The following DMTF1 variants were observed in gnomAD, a reference collection of about 807,000 sequenced individuals.
The protein encoded by DMTF1 is cyclin D binding myb like transcription factor 1.
Under a neutral mutation model 91.1 loss-of-function variants are expected in DMTF1, and 39 were observed. The observed-to-expected ratio is 0.43, with a 90% CI of 0.33 to 0.56. The LOEUF (loss-of-function observed/expected upper bound fraction) is 0.56, where lower values mean the gene tolerates loss of function less well. Among genes scored for constraint, DMTF1 ranks in the 20% least tolerant of loss-of-function variants. The pLI is 0.05. For synonymous variants in DMTF1, 338 were observed against 309.5 expected (o/e 1.09, Z -0.97); for missense variants, 750 against 914.5 (o/e 0.82, Z 2.32).
intron 11 of DMTF1, 41 bp from the exon 12 acceptor site, chr7:87,185,788 A>C (rs1243810530): frequency 1.9e-6 from 3 of 1,608,838 alleles, no homozygotes; most frequent in Non-Finnish European, 2.6e-6. Flanking sequence ...CTTATAGAGA[A>C]ATTAATTTAA....
intron 7 of DMTF1, among the ~76,000 whole-genome samples, chr7:87,178,500 T>G (rs1374850581): frequency 6.6e-6 from 1 of 152,048 alleles, no homozygotes; most frequent in Admixed American, 6.5e-5. Context: ...TGTTGAGATT[T>G]TACATTTTTT....
At chr7:87,158,036 C>T (rs1046284332) in intron 1 of DMTF1, among the ~76,000 whole-genome samples, 2 of 152,010 alleles carry the variant, frequency 1.3e-5, no homozygotes, top group African/African-American at 4.8e-5. Flanking sequence ...TGCCTTGTTT[C>T]ATGCATAAAT....
At chr7:87,191,393 T>C (rs1799732260) in intron 14 of DMTF1, among the ~76,000 whole-genome samples, 1 of 152,108 alleles carries the variant, frequency 6.6e-6, no homozygotes, top group Admixed American at 6.6e-5. Flanking sequence ...ATACAAAATG[T>C]AACAGTCCCA....
chr7:87,155,182 A>T (rs538541861), intron 1 of DMTF1, among the ~76,000 whole-genome samples: 2 of 152,334 alleles, frequency 1.3e-5, no homozygotes, highest in African/African-American at 4.8e-5. Flanking sequence ...TTTTGAAAGT[A>T]TTGACGTCTT....
Position 87,194,019 on chromosome 7 carries a change from G to A in DMTF1, c.1945G>A (p.Val649Ile), listed in dbSNP as rs1800543890. The change falls in exon 16 of 18, where the codon GTC becomes ATC. Residue 649 changes from valine to isoleucine, a missense_variant. By Grantham distance (29) the Val-to-Ile change is conservative (BLOSUM62 3). This residue lies in a region of DMTF1 where 410 missense variants were observed against 420.2 expected (regional missense o/e 0.98). Transcript: ENST00000331242. Reference sequence around the variant, plus strand: ...CACAGAACTGATGAATAGTGTTATGGTCAGAACAGAAGAAGAAATCTCTGA... The same window carrying A: ...CACAGAACTGATGAATAGTGTTATGATCAGAACAGAAGAAGAAATCTCTGA... ...NSTELMNSVM[V>I]RTEEEISDTD... The A allele has an allele frequency of 6.2e-7, 1 of 1,613,080 alleles. No individual in the cohort carries two copies. Among genetic ancestry groups the A allele is most frequent in the African/African-American group, 1.3e-5 (1 of 74,826 alleles).
chr7:87,180,497 A>G (rs997855264), intron 8 of DMTF1, among the ~76,000 whole-genome samples: 3 of 152,246 alleles, frequency 2.0e-5, no homozygotes, highest in African/African-American at 7.2e-5. Flanking sequence ...AGAACATTAC[A>G]TAGGCTGTAT....
rs923257253 is a variant in DMTF1, at chr7:87,194,291, A to G, written c.2028+189A>G. The G allele has an allele frequency of 1.2e-5, 7 of 607,082 alleles. No homozygotes were observed. The East Asian group carries it at 1.8e-4, about 15-fold the overall frequency. 37.6% of individuals were successfully genotyped at this position (607,082 alleles called of 1,614,324 possible). ...GGCAGTCAGGAAGAATAAGAAAACC[A>G]TGTTCTATCTTACCACAGTTCCTCA... is the stretch of plus-strand genomic sequence containing the variant. On this transcript the variant is annotated intron_variant, in intron 16 of 17. Coordinates refer to ENST00000331242, the MANE Select transcript of DMTF1 (RefSeq NM_001142327.2).
chr7:87,182,070 C>CAA (rs753251996), intron 9 of DMTF1, 158 bp from the exon 10 acceptor site: 2 of 1,536,776 alleles, frequency 1.3e-6, no homozygotes, highest in East Asian at 4.9e-5. Context: ...CTGTGGACCC[C>CAA]AAAAAAAGGC....
At chr7:87,171,249 T>A (rs1795007651) in intron 5 of DMTF1, among the ~76,000 whole-genome samples, 160 bp downstream of exon 5, 2 of 152,180 alleles carry the variant, frequency 1.3e-5, no homozygotes, top group African/African-American at 4.8e-5. Flanking sequence ...TACAAAGTTT[T>A]TTTGTTTTGA....
chr7:87,160,649 C>G (rs1240557645), intron 1 of DMTF1, among the ~76,000 whole-genome samples: 1 of 152,122 alleles, frequency 6.6e-6, no homozygotes, highest in East Asian at 1.9e-4. Flanking sequence ...CTACTCCCAC[C>G]AAAACTACTT....
In DMTF1 at chr7:87,195,244, T is replaced by A. The variant is rs1801015296; in HGVS notation, c.*104T>A. On this transcript the variant is annotated 3_prime_UTR_variant, in exon 18 of 18. Transcript: ENST00000331242. Reference sequence around the variant, plus strand: ...CCCCAAGAGGCTTAATTTACCAATTTAAATAGCCACAGTCCTTAAGCCACA... The same window carrying A: ...CCCCAAGAGGCTTAATTTACCAATTAAAATAGCCACAGTCCTTAAGCCACA... 1.3e-6 allele frequency: 1 copy of A among 755,140 alleles called. No individual in the cohort carries two copies. The highest frequency in any genetic ancestry group is 2.6e-5 in the Admixed American group (1 of 38,208). The allele number at this position is 755,140 out of a possible 1,614,324, so 46.8% of individuals were successfully genotyped here.
intron 14 of DMTF1, among the ~76,000 whole-genome samples, chr7:87,191,897 A>C (rs1233845654): frequency 6.6e-6 from 1 of 152,164 alleles, no homozygotes. Flanking sequence ...CATGAAGAAC[A>C]CAGAGTTATT....
In DMTF1 at chr7:87,174,790, A is replaced by C. The variant is rs11976589; in HGVS notation, c.519+121A>C. 2,117 of 549,054 alleles carry C rather than the reference A, an allele frequency of 3.9e-3. 37 individuals carry two copies. Among genetic ancestry groups the C allele is most frequent in the African/African-American group, 0.036 (1,872 of 51,454 alleles). The allele number at this position is 549,054 out of a possible 1,614,324, so 34.0% of individuals were successfully genotyped here. A position where few individuals can be genotyped will look rare whatever the true frequency, so the allele number is the denominator to read the frequency against. ...TTACTTATTTTTGTAATGGATTTTC[A>C]TAATGGCTAACATGTAGCTGAATAA... On this transcript the variant is annotated intron_variant, in intron 7 of 17. Coordinates refer to ENST00000331242, the MANE Select transcript of DMTF1 (RefSeq NM_001142327.2).
rs1188774858 is a variant in DMTF1, at chr7:87,165,119, T to A, written c.109+69T>A. 2.6e-6 allele frequency: 3 copies of A among 1,141,334 alleles called. No homozygotes were observed. In the African/African-American group the frequency reaches 4.6e-5, roughly 18 times the overall value. 70.7% of individuals were successfully genotyped at this position (1,141,334 alleles called of 1,614,324 possible). A position where few individuals can be genotyped will look rare whatever the true frequency, so the allele number is the denominator to read the frequency against. On this transcript the variant is annotated intron_variant, in intron 3 of 17. Coordinates refer to ENST00000331242, the MANE Select transcript of DMTF1 (RefSeq NM_001142327.2). ...TGAATTCCATGTCACTTTTGACCCC[T>A]ATTGCCCAAATAGGGGTCTAGGTGC...
chr7:87,187,068 G>A (rs1001142497), intron 12 of DMTF1: 1 of 152,134 alleles, frequency 6.6e-6, no homozygotes, highest in African/African-American at 2.4e-5. Flanking sequence ...TTAAAGTGAA[G>A]CATACTTTTT....
At chr7:87,187,951 T>G in intron 12 of DMTF1, 141 bp from the exon 13 acceptor site, 1 of 615,082 alleles carries the variant, frequency 1.6e-6, no homozygotes, top group South Asian at 2.1e-5. Flanking sequence ...TAAAATATCT[T>G]ATTTTTATAA....
chr7:87,158,869 C>T (rs191133302), intron 1 of DMTF1, among the ~76,000 whole-genome samples: 201 of 152,170 alleles, frequency 1.3e-3, no homozygotes, highest in African/African-American at 4.6e-3. Context: ...AAGCTAAATG[C>T]TGTCGTTAAT....
chr7:87,159,631 GTTT>G (rs1366454508), intron 1 of DMTF1, among the ~76,000 whole-genome samples: 1 of 152,078 alleles, frequency 6.6e-6, no homozygotes, highest in Non-Finnish European at 1.5e-5. Flanking sequence ...GTATCTTCTC[GTTT>G]TTAGTGTAAA....
chr7:87,180,904 G>A (rs1372490448), intron 8 of DMTF1, among the ~76,000 whole-genome samples: 2 of 142,778 alleles, frequency 1.4e-5, no homozygotes, highest in Admixed American at 1.4e-4. Context: ...TGCGCAGGCT[G>A]GAGTACAGTG....
Sources: gnomAD v4.1 joint callset for allele counts (sites outside exome capture counted in the v4.1 genomes callset) on GRCh38, gnomAD v4.1.1 for gene constraint, gnomAD v4.1.1 regional missense constraint, MANE v1.5 for transcripts, NCBI Gene and HGNC (gene_info 2026-07-23, HGNC 2026-07-21) for gene names.